The following CACNA1C variants were observed in gnomAD, a reference collection of about 807,000 sequenced individuals.
CACNA1C encodes calcium voltage-gated channel subunit alpha1 C, also known as voltage-dependent L-type calcium channel subunit alpha-1C.
In CACNA1C, 30 loss-of-function variants were observed where a neutral mutation model predicts 229.0. The ratio of observed to expected loss-of-function variants is 0.13; its 90% CI spans 0.10 to 0.18. The LOEUF (loss-of-function observed/expected upper bound fraction) is 0.18. Ranked by LOEUF, CACNA1C falls within the 10% of genes least tolerant of loss-of-function variation. The probability of loss-of-function intolerance (pLI) is 1.00; values close to 1 mark genes in which losing one functional copy is unlikely to be tolerated. For synonymous variants in CACNA1C, 1,114 were observed against 1,132.5 expected (o/e 0.98, Z 0.33); for missense variants, 1,658 against 2,845.0 (o/e 0.58, Z 9.49).
At chr12:2,417,760 C>G (rs59222993) in intron 3 of CACNA1C, among the ~76,000 whole-genome samples, 9,225 of 152,098 alleles carry the variant, frequency 0.061, 924 homozygotes, top group African/African-American at 0.21. Context: ...TGAATGCTGA[C>G]AGTTTTGGAA....
intron 9 of CACNA1C, among the ~76,000 whole-genome samples, chr12:2,519,478 A>G (rs2099805290): frequency 1.3e-5 from 2 of 152,112 alleles, no homozygotes; most frequent in African/African-American, 4.8e-5. Context: ...ATTTCCTTTC[A>G]TGAACACGGT....
At chr12:2,413,103 C>T (rs1025197281) in intron 3 of CACNA1C, among the ~76,000 whole-genome samples, 3 of 152,174 alleles carry the variant, frequency 2.0e-5, no homozygotes, top group South Asian at 4.1e-4. Flanking sequence ...CTGCAACCTC[C>T]GCCTCCTGGG....
At position 2,108,756 on chromosome 12, in the gene CACNA1C, T is replaced by C. The variant is rs1344264577; in HGVS notation, c.50-6468T>C. On this transcript the variant is annotated intron_variant, in intron 1 of 46. Transcript: ENST00000399655. This position sits in a 1 kb window ranked among gnomAD's most constrained non-coding sequence, Gnocchi z 5.3. Reference sequence around the variant, plus strand: ...CGTCTGAGATCGAGAGACGGTGTCCTCTCTGTTCACGTCCTCCAGCTATCT... The same window carrying C: ...CGTCTGAGATCGAGAGACGGTGTCCCCTCTGTTCACGTCCTCCAGCTATCT... Among the ~76,000 whole-genome samples, 2 of 152,198 alleles carry C rather than the reference T, an allele frequency of 1.3e-5. No homozygotes were observed. Among genetic ancestry groups the C allele is most frequent in the Non-Finnish European group, 2.9e-5 (2 of 68,042 alleles).
chr12:1,997,343 A>G (rs1376082180), intron 1 of CACNA1C, among the ~76,000 whole-genome samples: 2 of 152,200 alleles, frequency 1.3e-5, no homozygotes, highest in Non-Finnish European at 2.9e-5. Context: ...CCTGACCAAC[A>G]TGGTGAAACC....
At chr12:2,109,340 G>A (rs2080680543) in intron 1 of CACNA1C, among the ~76,000 whole-genome samples, 1 of 152,198 alleles carries the variant, frequency 6.6e-6, no homozygotes, top group Non-Finnish European at 1.5e-5. Context: ...TGTTTGGAGT[G>A]GGGGCTTGAA....
chr12:2,638,093 C>G (rs1038791124), intron 30 of CACNA1C, among the ~76,000 whole-genome samples: 76 of 152,292 alleles, frequency 5.0e-4, no homozygotes, highest in African/African-American at 1.8e-3. Flanking sequence ...AAAGCCCCTG[C>G]CTTCACAGAT....
intron 29 of CACNA1C, among the ~76,000 whole-genome samples, chr12:2,618,903 T>A (rs574732689): frequency 6.6e-6 from 1 of 152,354 alleles, no homozygotes; most frequent in South Asian, 2.1e-4. Flanking sequence ...AAATGTACTT[T>A]CTCTCCAACT....
Position 1,971,011 on chromosome 12 carries a change from TA to T in CACNA1C, c.-50del. On this transcript the variant is annotated 5_prime_UTR_variant, in exon 1 of 47. Transcript: ENST00000682462. The surrounding 1 kb of genome is among the most constrained non-coding windows in gnomAD (Gnocchi z 4.2). Reference sequence around the variant, plus strand: ...AAATTATAAGAGATCATGAGCAGGATAATTATTTAGCTTTAAAAATCAACCA... The same window carrying T: ...AAATTATAAGAGATCATGAGCAGGATATTATTTAGCTTTAAAAATCAACCA... 1 of 1,185,032 alleles carries T rather than the reference TA, an allele frequency of 8.4e-7. No homozygotes were observed. Among genetic ancestry groups the T allele is most frequent in the Non-Finnish European group, 1.1e-6 (1 of 906,090 alleles). The allele number at this position is 1,185,032 out of a possible 1,614,324, so 73.4% of individuals were successfully genotyped here. A position where few individuals can be genotyped will look rare whatever the true frequency, so the allele number is the denominator to read the frequency against.
intron 1 of CACNA1C, among the ~76,000 whole-genome samples, chr12:2,068,746 C>T (rs1180996450): frequency 5.3e-5 from 8 of 152,222 alleles, no homozygotes; most frequent in African/African-American, 1.9e-4. Flanking sequence ...CACCATCTCA[C>T]CCCGTCTGGC....
At chr12:2,430,077 G>T (rs140725875) in intron 3 of CACNA1C, among the ~76,000 whole-genome samples, 70 of 152,292 alleles carry the variant, frequency 4.6e-4, no homozygotes, top group African/African-American at 1.6e-3. Context: ...CTCATTCGTG[G>T]ATGGCTGTAT....
At position 2,601,053 on chromosome 12, in the gene CACNA1C, G is replaced by T. The variant is rs1253169684; in HGVS notation, c.2854-801G>T. On this transcript the variant is annotated intron_variant, in intron 21 of 46. Coordinates refer to ENST00000399655, the MANE Select transcript of CACNA1C (RefSeq NM_000719.7). This position sits in a 1 kb window ranked among gnomAD's most constrained non-coding sequence, Gnocchi z 5.9. ...CCACAGGTCTGGGATTCCAGCCCAG[G>T]CCGTCTGGCCTCAGAGCCTGTGCTC... Among the ~76,000 whole-genome samples the T allele has an allele frequency of 4.6e-5, 7 of 152,206 alleles. No homozygotes were observed. The highest frequency in any genetic ancestry group is 1.0e-4 in the Non-Finnish European group (7 of 68,026).
At position 2,585,415 on chromosome 12, in the gene CACNA1C, G is replaced by A; in HGVS notation, c.2379G>A (p.Lys793=). ...AGAAGAAACAAGAGTTGGTGGAGAAGCCGGCAGTGGGGGAATCCAAGGAGG... is the reference window on the plus strand; with the variant it reads ...AGAAGAAACAAGAGTTGGTGGAGAAACCGGCAGTGGGGGAATCCAAGGAGG... The part of the protein sequence containing the change: ...SPEKKQELVE[K]PAVGESKEEK... Residue 793 remains lysine, a synonymous_variant, in exon 17 of 47, where the codon AAG becomes AAA. Transcript: ENST00000399655. The surrounding 1 kb of genome is among the most constrained non-coding windows in gnomAD (Gnocchi z 4.1). The A allele has an allele frequency of 6.2e-7, 1 of 1,611,756 alleles. No individual in the cohort carries two copies. Among genetic ancestry groups the A allele is most frequent in the Non-Finnish European group, 8.5e-7 (1 of 1,178,872 alleles).
At position 2,508,755 on chromosome 12, in the gene CACNA1C, A is replaced by G. The variant is rs115577046; in HGVS notation, c.1217+3810A>G. Among the ~76,000 whole-genome samples, 732 of 152,344 alleles carry G rather than the reference A, an allele frequency of 4.8e-3. 9 individuals are homozygous for G. The highest frequency in any genetic ancestry group is 0.016 in the African/African-American group (652 of 41,570). On this transcript the variant is annotated intron_variant, in intron 8 of 46. Transcript: ENST00000399655. ...GATCATGCACACATCCAGAACACCT[A>G]TTTCTGATGAGGCCAGATAAAGTCA...
chr12:2,688,600 A>G lies in CACNA1C; in HGVS notation c.5938A>G (p.Ser1980Gly), dbSNP rs2097649084. 6.2e-7 allele frequency: 1 copy of G among 1,613,940 alleles called. No homozygotes were observed. Among genetic ancestry groups the G allele is most frequent in the Non-Finnish European group, 8.5e-7 (1 of 1,179,870 alleles). ...CCTGCGGCTTGAGGGGGTCGAGTCC[A>G]GTGAGAAACTCAACAGCAGCTTCCC... is the stretch of plus-strand genomic sequence containing the variant. ...PTLRLEGVES[S>G]EKLNSSFPSI... Residue 1980 changes from serine to glycine, a missense_variant, in exon 46 of 47, where the codon AGT (serine) becomes GGT (glycine). Ser to Gly is a moderately conservative substitution (Grantham distance 56). Coordinates refer to ENST00000399655, the MANE Select transcript of CACNA1C (RefSeq NM_000719.7).
intron 1 of CACNA1C, among the ~76,000 whole-genome samples, chr12:1,972,927 G>A (rs920497900): frequency 3.3e-5 from 5 of 152,202 alleles, no homozygotes. Context: ...AAACACTCGA[G>A]CAGCAATGAC....
chr12:2,170,678 C>T (rs755561373), intron 3 of CACNA1C, among the ~76,000 whole-genome samples: 24 of 152,250 alleles, frequency 1.6e-4, no homozygotes, highest in Non-Finnish European at 2.5e-4. Flanking sequence ...GAAGCCTGGG[C>T]TGGTAGGCCA....
At chr12:2,035,143 G>C (rs1010391779) in intron 1 of CACNA1C, among the ~76,000 whole-genome samples, 1 of 152,174 alleles carries the variant, frequency 6.6e-6, no homozygotes, top group East Asian at 1.9e-4. Context: ...GCGCCGGCGC[G>C]TGTGCCCGGG....
intron 3 of CACNA1C, among the ~76,000 whole-genome samples, chr12:2,341,203 T>A (rs2096852393): frequency 1.3e-5 from 2 of 152,166 alleles, no homozygotes; most frequent in African/African-American, 4.8e-5. Context: ...CAGATCCTGG[T>A]TCCTCCCTGC....
chr12:2,635,596 G>C (rs899816427), intron 30 of CACNA1C, among the ~76,000 whole-genome samples: 1 of 150,510 alleles, frequency 6.6e-6, no homozygotes, highest in Admixed American at 6.7e-5. Flanking sequence ...ACACTGCCGT[G>C]TTATCTTGCC....
Sources: gnomAD v4.1 joint callset for allele counts (sites outside exome capture counted in the v4.1 genomes callset) on GRCh38, gnomAD v4.1.1 for gene constraint, Gnocchi (gnomAD v3.1) non-coding constraint, MANE v1.5 for transcripts, NCBI Gene and HGNC (gene_info 2026-07-23, HGNC 2026-07-21) for gene names.